The following TMC1 variants were observed in gnomAD, a reference collection of about 807,000 sequenced individuals.
TMC1 encodes the protein transmembrane channel-like protein 1.
In TMC1, 84 loss-of-function variants were observed where a neutral mutation model predicts 105.8. That is an observed-to-expected ratio of 0.79 (90% CI 0.67 to 0.95). The LOEUF is 0.95. Among genes scored for constraint, TMC1 ranks in the 40% least tolerant of loss-of-function variants. The probability of loss-of-function intolerance (pLI) is 0.00; values close to 1 mark genes in which losing one functional copy is unlikely to be tolerated. For synonymous variants in TMC1, 315 were observed against 311.5 expected, an observed-to-expected ratio of 1.01 and a Z score of -0.12; for missense variants, 817 against 914.1, an observed-to-expected ratio of 0.89 and a Z score of 1.37.
At chr9:72,657,279 A>G (rs1346846805) in intron 5 of TMC1, among the ~76,000 whole-genome samples, 3 of 152,242 alleles carry the variant, frequency 2.0e-5, no homozygotes, top group Non-Finnish European at 1.5e-5. Context: ...AAGATCAGGC[A>G]ACATCGGGGT....
At chr9:72,538,602 A>G (rs1257340180) in intron 1 of TMC1, among the ~76,000 whole-genome samples, 1 of 151,734 alleles carries the variant, frequency 6.6e-6, no homozygotes, top group South Asian at 2.1e-4. Flanking sequence ...ATGCCTGGCT[A>G]ATTTTTTTGT....
intron 5 of TMC1, among the ~76,000 whole-genome samples, chr9:72,659,062 A>G (rs1825929679): frequency 6.6e-6 from 1 of 152,220 alleles, no homozygotes; most frequent in Non-Finnish European, 1.5e-5. Context: ...GAGAGGAAAT[A>G]TAAATCAGAA....
At chr9:72,732,291 G>T (rs1026256970) in intron 8 of TMC1, among the ~76,000 whole-genome samples, 18 of 152,282 alleles carry the variant, frequency 1.2e-4, no homozygotes, top group African/African-American at 4.1e-4. Context: ...AGCTGGGCAA[G>T]GTGGCTGACA....
intron 13 of TMC1, 62 bp downstream of exon 13, chr9:72,772,617 A>C (rs1167667317): frequency 1.9e-6 from 3 of 1,601,196 alleles, no homozygotes; most frequent in African/African-American, 1.3e-5. Flanking sequence ...GGAGGGATTA[A>C]TTTGGGGATT....
At chr9:72,650,903 A>ATATATATATATATAC (rs1825801321) in intron 5 of TMC1, among the ~76,000 whole-genome samples, 1 of 126,746 alleles carries the variant, frequency 7.9e-6, no homozygotes, top group Non-Finnish European at 1.7e-5. Context: ...TATATATATA[A>ATATATATATATATAC]ATATATATAG....
intron 1 of TMC1, among the ~76,000 whole-genome samples, chr9:72,533,252 G>A (rs1823527954): frequency 6.6e-6 from 1 of 152,180 alleles, no homozygotes; most frequent in Admixed American, 6.5e-5. Flanking sequence ...AATGCATAAA[G>A]TGATAAAGGC....
chr9:72,752,451 C>T (rs1443220422), intron 11 of TMC1, among the ~76,000 whole-genome samples: 3 of 151,354 alleles, frequency 2.0e-5, no homozygotes, highest in Non-Finnish European at 4.4e-5. Context: ...GCCCACAACA[C>T]ACACACACAC....
intron 2 of TMC1, among the ~76,000 whole-genome samples, chr9:72,586,979 C>T (rs113596817): frequency 0.015 from 2,252 of 152,212 alleles, 40 homozygotes; most frequent in Middle Eastern, 0.034. Context: ...CAACAAGGGA[C>T]ATTTGGCAAA....
intron 10 of TMC1, among the ~76,000 whole-genome samples, chr9:72,745,410 C>T (rs907013183): frequency 6.6e-6 from 1 of 152,110 alleles, no homozygotes; most frequent in Non-Finnish European, 1.5e-5. Context: ...ATATGTTTTG[C>T]ACCAGTTCAT....
chr9:72,648,932 A>G (rs1825758491), intron 5 of TMC1, among the ~76,000 whole-genome samples: 1 of 152,202 alleles, frequency 6.6e-6, no homozygotes, highest in Non-Finnish European at 1.5e-5. Context: ...CAGAAAGACA[A>G]TGGAGGAAAG....
chr9:72,617,455 C>T (rs887105420), intron 3 of TMC1, among the ~76,000 whole-genome samples: 5 of 152,138 alleles, frequency 3.3e-5, no homozygotes, highest in African/African-American at 1.2e-4. Flanking sequence ...AGCCATTGTG[C>T]CTGGCCTGTG....
intron 1 of TMC1, among the ~76,000 whole-genome samples, chr9:72,569,048 C>T (rs1824219099): frequency 6.6e-6 from 1 of 152,092 alleles, no homozygotes; most frequent in African/African-American, 2.4e-5. Flanking sequence ...TACAGTCATC[C>T]CTTGGTATCT....
intron 8 of TMC1, among the ~76,000 whole-genome samples, chr9:72,725,180 G>T (rs1195874612): frequency 4.0e-5 from 6 of 150,904 alleles, no homozygotes; most frequent in Non-Finnish European, 8.9e-5. Context: ...ACTAGTTTGG[G>T]GGCTTAAATA....
At position 72,805,440 on chromosome 9, in the gene TMC1, G is replaced by A. The variant is rs1357621933; in HGVS notation, c.1625G>A (p.Gly542Glu). ...VLTTYVTILI[G>E]DFLRACFVRF... ...ACCACCTACGTCACAATCCTCATTGGGGACTTTCTAAGGGCATGTTTTGTG... is the reference window on the plus strand; with the variant it reads ...ACCACCTACGTCACAATCCTCATTGAGGACTTTCTAAGGGCATGTTTTGTG... Residue 542 changes from glycine (G) to glutamate (E), a missense_variant, in exon 18 of 24, where the codon GGG (glycine) becomes GAG (glutamate). Gly to Glu is a moderately conservative substitution (Grantham distance 98). Coordinates refer to ENST00000297784, the MANE Select transcript of TMC1 (RefSeq NM_138691.3). The A allele has an allele frequency of 6.2e-7, 1 of 1,613,916 alleles. No homozygotes were observed. Among genetic ancestry groups the A allele is most frequent in the Admixed American group, 1.7e-5 (1 of 60,022 alleles).
At chr9:72,534,672 A>T (rs953271813) in intron 1 of TMC1, among the ~76,000 whole-genome samples, 4 of 152,212 alleles carry the variant, frequency 2.6e-5, no homozygotes, top group African/African-American at 9.6e-5. Context: ...AATTCTATAT[A>T]TTTAGTTCCT....
At chr9:72,733,206 TGA>T (rs1827243246) in intron 8 of TMC1, among the ~76,000 whole-genome samples, 1 of 151,474 alleles carries the variant, frequency 6.6e-6, no homozygotes, top group South Asian at 2.1e-4. Context: ...AAAGAGAAAT[TGA>T]GAGAGATAGA....
At position 72,836,093 on chromosome 9, in the gene TMC1, G is replaced by A. The variant is rs2118350364; in HGVS notation, c.*120G>A. 2.6e-6 allele frequency: 3 copies of A among 1,150,326 alleles called. No homozygotes were observed. The highest frequency in any genetic ancestry group is 4.7e-5 in the East Asian group (2 of 42,898). The allele number at this position is 1,150,326 out of a possible 1,614,324, so 71.3% of individuals were successfully genotyped here. On this transcript the variant is annotated 3_prime_UTR_variant, in exon 24 of 24. Coordinates refer to ENST00000297784, the MANE Select transcript of TMC1 (RefSeq NM_138691.3). ...GCTATTTTCCTGTTCTACCCTTGATGGATTTTCAAGGTCATGCTGGCCAAT... is the reference window on the plus strand; with the variant it reads ...GCTATTTTCCTGTTCTACCCTTGATAGATTTTCAAGGTCATGCTGGCCAAT...
At position 72,630,431 on chromosome 9, in the gene TMC1, A is replaced by G. The variant is rs562621517; in HGVS notation, c.-53+2368A>G. ...TATATATAAGCTATTTTAAATGTTT[A>G]TGCCCTTTGATTCAATAGCACTAGG... On this transcript the variant is annotated intron_variant, in intron 4 of 23. Transcript: ENST00000297784. Among the ~76,000 whole-genome samples the G allele has an allele frequency of 3.7e-3, 560 of 152,344 alleles. 2 individuals carry two copies. Among genetic ancestry groups the G allele is most frequent in the African/African-American group, 0.013 (544 of 41,578 alleles).
chr9:72,768,207 G>A (rs927523816), intron 12 of TMC1, among the ~76,000 whole-genome samples: 4 of 151,876 alleles, frequency 2.6e-5, no homozygotes, highest in African/African-American at 4.8e-5. Flanking sequence ...ATCATTCTCA[G>A]CAAACTAACA....
Sources: allele counts gnomAD v4.1 joint callset (sites outside exome capture counted in the v4.1 genomes callset), GRCh38; gene constraint gnomAD v4.1.1; transcripts MANE v1.5; gene names NCBI Gene and HGNC (gene_info 2026-07-23, HGNC 2026-07-21).